ASAP3: variants seen among roughly 807,000 people sequenced by gnomAD.
The protein encoded by ASAP3 is arf-GAP with SH3 domain, ANK repeat and PH domain-containing protein 3.
ASAP3 carries 85 observed loss-of-function variants against 118.2 expected under a neutral mutation model. The ratio of observed to expected loss-of-function variants is 0.72; its 90% CI spans 0.60 to 0.86. ASAP3 has a LOEUF of 0.86. ASAP3 is among the 40% of genes least tolerant of loss of function. ASAP3 has a pLI of 0.00. For missense variants in ASAP3, 1,026 were observed against 1,175.0 expected (o/e 0.87, Z 1.85); for synonymous variants, 432 against 477.4 (o/e 0.90, Z 1.24).
chr1:23,454,384 C>T (rs747480677), intron 3 of ASAP3, among the ~76,000 whole-genome samples: 1 of 152,156 alleles, frequency 6.6e-6, no homozygotes, highest in Admixed American at 6.6e-5. Context: ...GACAGTTTCA[C>T]CATGTTGGCC....
chr1:23,435,578 C>T (rs1468632027), intron 17 of ASAP3: 10 of 525,048 alleles, frequency 1.9e-5, no homozygotes, highest in African/African-American at 3.8e-5. Flanking sequence ...ACTTCATCAC[C>T]GTGGGTGCTA....
chr1:23,449,771 C>A (rs745502865), intron 5 of ASAP3, among the ~76,000 whole-genome samples: 1 of 152,204 alleles, frequency 6.6e-6, no homozygotes, highest in Non-Finnish European at 1.5e-5. Context: ...CCTTTCCCAT[C>A]AACTAAATGG....
At chr1:23,439,252 G>A (rs1430855550) in intron 10 of ASAP3, 22 bp from the exon 11 acceptor site, 4 of 1,612,666 alleles carry the variant, frequency 2.5e-6, no homozygotes, top group Admixed American at 1.7e-5. Context: ...AGGGATAGAA[G>A]GACAGTGACC....
Position 23,433,406 on chromosome 1 carries a change from G to A in ASAP3, c.2127+19C>T, listed in dbSNP as rs764928758. The A allele has an allele frequency of 1.2e-6, 2 of 1,614,064 alleles. No homozygotes were observed. Among genetic ancestry groups the A allele is most frequent in the Non-Finnish European group, 8.5e-7 (1 of 1,180,018 alleles). Reference sequence around the variant, plus strand: ...TCCTTCTGCCATCCAGAGGCCTGAGGGACAGGGCTGGGACCCACCTTCTCT... The same window carrying A: ...TCCTTCTGCCATCCAGAGGCCTGAGAGACAGGGCTGGGACCCACCTTCTCT... On this transcript the variant is annotated intron_variant, in intron 21 of 24. Coordinates refer to ENST00000336689, the MANE Select transcript of ASAP3 (RefSeq NM_017707.4).
chr1:23,479,247 G>C (rs1437877217), intron 1 of ASAP3, among the ~76,000 whole-genome samples: 1 of 151,684 alleles, frequency 6.6e-6, no homozygotes, highest in African/African-American at 2.4e-5. Context: ...GATGATGAAT[G>C]AGCGAAAGCA....
intron 1 of ASAP3, among the ~76,000 whole-genome samples, chr1:23,459,604 CCA>C (rs1472752656): frequency 6.6e-6 from 1 of 152,182 alleles, no homozygotes; most frequent in African/African-American, 2.4e-5. Context: ...GTCCTTCCTG[CCA>C]CATGCAGAGA....
At chr1:23,466,393 T>TA (rs1641770962) in intron 1 of ASAP3, among the ~76,000 whole-genome samples, 1 of 152,204 alleles carries the variant, frequency 6.6e-6, no homozygotes, top group African/African-American at 2.4e-5. Flanking sequence ...AAACACATCT[T>TA]AGTGTAAGAG....
At chr1:23,446,511 C>T (rs1345790034) in intron 5 of ASAP3, among the ~76,000 whole-genome samples, 3 of 150,256 alleles carry the variant, frequency 2.0e-5, no homozygotes, top group Non-Finnish European at 4.4e-5. Context: ...CATCTCAGCT[C>T]ACTGCAACCT....
Position 23,433,677 on chromosome 1 carries a change from C to T in ASAP3, c.1968G>A (p.Glu656=), listed in dbSNP as rs757431221. ...ALVGTVNEAG[E]TALDIARKKH... is the part of the protein sequence containing the mutation. ...TCTTCCTGGCTATGTCCAGAGCTGT[C>T]TCGCCTGCTTCATTTACTGTGAGCG... The change falls in exon 20 of 25, where the codon GAG becomes GAA. Residue 656 remains glutamate (E), a synonymous_variant. Transcript: ENST00000336689. The T allele has an allele frequency of 1.2e-5, 20 of 1,614,118 alleles. No homozygotes were observed. Among genetic ancestry groups the T allele is most frequent in the Admixed American group, 1.7e-5 (1 of 60,010 alleles).
At chr1:23,454,998 A>G (rs1046533132) in intron 3 of ASAP3, among the ~76,000 whole-genome samples, 5 of 152,196 alleles carry the variant, frequency 3.3e-5, no homozygotes, top group South Asian at 4.1e-4. Flanking sequence ...CCAACCAGGG[A>G]GGATGCTGGG....
At position 23,455,974 on chromosome 1, in the gene ASAP3, G is replaced by A. The variant is rs758935550; in HGVS notation, c.255C>T (p.Asn85=). The change falls in exon 3 of 25, where the codon AAC becomes AAT. Residue 85 remains asparagine (N), a synonymous_variant. Coordinates refer to ENST00000336689, the MANE Select transcript of ASAP3 (RefSeq NM_017707.4). ...QYREAVESLG[N]SHLSQNSHEL... is the part of the protein sequence containing the mutation. The stretch of plus-strand genomic sequence containing the variant: ...CATGGCTGTTCTGGGACAGGTGGCT[G>A]TTGCCTAAGGATTCCACGGCCTCTC... The A allele has an allele frequency of 9.3e-6, 15 of 1,614,064 alleles. No homozygotes were observed. The highest frequency in any genetic ancestry group is 1.3e-5 in the Non-Finnish European group (15 of 1,180,042).
chr1:23,436,054 A>C lies in ASAP3; in HGVS notation c.1572-26T>G. ...CTACCAAAAACAACCACAGGATCTCAGAGCATGGACCGTGTCTGCCCAGCT... is the reference window on the plus strand; with the variant it reads ...CTACCAAAAACAACCACAGGATCTCCGAGCATGGACCGTGTCTGCCCAGCT... On this transcript the variant is annotated intron_variant, in intron 16 of 24. Coordinates refer to ENST00000336689, the MANE Select transcript of ASAP3 (RefSeq NM_017707.4). The surrounding 1 kb of genome is among the most constrained non-coding windows in gnomAD (Gnocchi z 4.2). 13 of 1,612,178 alleles carry C rather than the reference A, an allele frequency of 8.1e-6. No individual in the cohort carries two copies. Among genetic ancestry groups the C allele is most frequent in the Non-Finnish European group, 1.1e-5 (13 of 1,178,232 alleles).
rs1640354731 is a variant in ASAP3, at chr1:23,429,720, G to C, written c.*136C>G. 2.4e-6 allele frequency: 2 copies of C among 850,860 alleles called. No individual in the cohort carries two copies. Among genetic ancestry groups the C allele is most frequent in the East Asian group, 5.6e-5 (2 of 35,982 alleles). 52.7% of individuals were successfully genotyped at this position (850,860 alleles called of 1,614,324 possible). A position where few individuals can be genotyped will look rare whatever the true frequency, so the allele number is the denominator to read the frequency against. On this transcript the variant is annotated 3_prime_UTR_variant, in exon 25 of 25. Coordinates refer to ENST00000336689, the MANE Select transcript of ASAP3 (RefSeq NM_017707.4). ...AGGCATGGCCTGTGGCAGGAAGAAG[G>C]CCAGCTACAGAGGCACAAGGGACAG...
chr1:23,434,598 C>T lies in ASAP3; in HGVS notation c.1770G>A (p.Leu590=), dbSNP rs767573655. The change falls in exon 18 of 25, where the codon TTG becomes TTA. Residue 590 remains leucine (L), a synonymous_variant. Transcript: ENST00000336689. ...PDAQAPEELV[L]HLAVKVANQA... ...GGTTGGCGACTTTGACAGCCAAATGCAAGACGAGTTCTTCAGGTGCCTGAA... is the reference window on the plus strand; with the variant it reads ...GGTTGGCGACTTTGACAGCCAAATGTAAGACGAGTTCTTCAGGTGCCTGAA... 6.2e-7 allele frequency: 1 copy of T among 1,614,120 alleles called. No individual in the cohort carries two copies. The highest frequency in any genetic ancestry group is 1.7e-5 in the Admixed American group (1 of 60,026).
intron 5 of ASAP3, among the ~76,000 whole-genome samples, chr1:23,448,452 A>T (rs1641113686): frequency 6.6e-6 from 1 of 152,036 alleles, no homozygotes; most frequent in Non-Finnish European, 1.5e-5. Context: ...TATTATTACT[A>T]ATTATTATTA....
At chr1:23,467,788 A>T (rs1349241997) in intron 1 of ASAP3, among the ~76,000 whole-genome samples, 1 of 151,804 alleles carries the variant, frequency 6.6e-6, no homozygotes, top group Non-Finnish European at 1.5e-5. Flanking sequence ...CGTCTCTACT[A>T]AAAATACAAA....
chr1:23,453,122 C>T (rs964925286), intron 3 of ASAP3, among the ~76,000 whole-genome samples: 5 of 152,212 alleles, frequency 3.3e-5, no homozygotes, highest in Non-Finnish European at 7.3e-5. Context: ...GCTCCAGCAG[C>T]ATCCCACAGT....
intron 17 of ASAP3, among the ~76,000 whole-genome samples, chr1:23,435,110 C>T (rs1376966090): frequency 1.3e-5 from 2 of 152,240 alleles, no homozygotes; most frequent in Admixed American, 6.5e-5. Context: ...TCTCTGTAGC[C>T]TCAACCTCCT....
intron 1 of ASAP3, among the ~76,000 whole-genome samples, chr1:23,457,702 G>A (rs1431053682): frequency 2.6e-5 from 4 of 152,202 alleles, no homozygotes; most frequent in Admixed American, 1.3e-4. Flanking sequence ...TAGTAGAGAC[G>A]GGGTTTCATT....
Sources: allele counts gnomAD v4.1 joint callset (sites outside exome capture counted in the v4.1 genomes callset), GRCh38; gene constraint gnomAD v4.1.1; non-coding constraint Gnocchi (gnomAD v3.1); transcripts MANE v1.5; gene names NCBI Gene and HGNC (gene_info 2026-07-23, HGNC 2026-07-21).